Variants in FGF12 observed in about 807,000 individuals in gnomAD.
The protein encoded by FGF12 is fibroblast growth factor 12.
In FGF12, 14 loss-of-function variants were observed where a neutral mutation model predicts 23.6. The ratio of observed to expected loss-of-function variants is 0.59; its 90% CI spans 0.39 to 0.93. The LOEUF is 0.93. Among genes scored for constraint, FGF12 ranks in the 40% least tolerant of loss-of-function variants. The pLI is 0.00. For missense variants in FGF12, 175 were observed against 217.8 expected (o/e 0.80, Z 1.24); for synonymous variants, 62 against 77.3 (o/e 0.80, Z 1.04).
intron 5 of FGF12, among the ~76,000 whole-genome samples, chr3:192,167,778 T>TAA (rs1715307703): frequency 1.1e-5 from 1 of 88,962 alleles, no homozygotes; most frequent in South Asian, 4.4e-4. Flanking sequence ...TAAAATTTTT[T>TAA]TTTTTTTTTT....
intron 2 of FGF12, among the ~76,000 whole-genome samples, chr3:192,448,737 C>T (rs907758130): frequency 2.0e-5 from 3 of 152,134 alleles, no homozygotes; most frequent in Non-Finnish European, 4.4e-5. Context: ...TAAATATCAG[C>T]ATGAGTAAAT....
At chr3:192,217,173 T>C (rs563763777) in intron 4 of FGF12, among the ~76,000 whole-genome samples, 76 of 152,142 alleles carry the variant, frequency 5.0e-4, no homozygotes, top group Non-Finnish European at 9.9e-4. Context: ...AGTTTCCTCA[T>C]CCCTAAAAGA....
chr3:192,283,609 G>A (rs954146182), intron 4 of FGF12, among the ~76,000 whole-genome samples: 2 of 152,006 alleles, frequency 1.3e-5, no homozygotes, highest in Non-Finnish European at 2.9e-5. Flanking sequence ...TACCTTAGAA[G>A]GGTAAATTGT....
At chr3:192,692,542 T>C (rs1717975277) in intron 2 of FGF12, among the ~76,000 whole-genome samples, 1 of 151,878 alleles carries the variant, frequency 6.6e-6, no homozygotes, top group African/African-American at 2.4e-5. Flanking sequence ...CTGTCTCTAC[T>C]AAAAATACAA....
chr3:192,307,723 T>C (rs1577339757), intron 4 of FGF12, among the ~76,000 whole-genome samples: 1 of 152,178 alleles, frequency 6.6e-6, no homozygotes, highest in Non-Finnish European at 1.5e-5. Context: ...TAAATAACAG[T>C]GCTCAAAGAG....
intron 2 of FGF12, among the ~76,000 whole-genome samples, chr3:192,465,569 C>T (rs1028987785): frequency 2.6e-5 from 4 of 152,066 alleles, no homozygotes; most frequent in African/African-American, 7.3e-5. Context: ...TGGAGAGTTC[C>T]CTCCATTCTC....
At chr3:192,194,015 G>A (rs56229536) in intron 4 of FGF12, among the ~76,000 whole-genome samples, 6,618 of 152,184 alleles carry the variant, frequency 0.043, 187 homozygotes, top group Admixed American at 0.074. Context: ...CTAAAACAAC[G>A]TCACTTCTCC....
At chr3:192,688,037 C>A (rs1717818094) in intron 2 of FGF12, among the ~76,000 whole-genome samples, 1 of 152,116 alleles carries the variant, frequency 6.6e-6, no homozygotes, top group Non-Finnish European at 1.5e-5. Flanking sequence ...ACCTTTGCTG[C>A]CACACACATG....
intron 4 of FGF12, among the ~76,000 whole-genome samples, chr3:192,318,205 G>T (rs80243742): frequency 6.6e-6 from 1 of 152,178 alleles, no homozygotes; most frequent in Non-Finnish European, 1.5e-5. Context: ...ATGAACAGCC[G>T]CAAGCATCAA....
chr3:192,517,205 A>G (rs1199254369), intron 2 of FGF12, among the ~76,000 whole-genome samples: 2 of 152,240 alleles, frequency 1.3e-5, no homozygotes, highest in Admixed American at 1.3e-4. Flanking sequence ...TATATTTATC[A>G]CAACCCTCTC....
intron 4 of FGF12, among the ~76,000 whole-genome samples, chr3:192,202,625 C>T (rs76177861): frequency 0.02 from 2,967 of 152,088 alleles, 87 homozygotes; most frequent in African/African-American, 0.065. Flanking sequence ...GTCTCATATC[C>T]GAATAGTAGA....
At chr3:192,666,108 C>G (rs113796603) in intron 2 of FGF12, among the ~76,000 whole-genome samples, 35 of 152,030 alleles carry the variant, frequency 2.3e-4, no homozygotes, top group Non-Finnish European at 5.9e-5. Context: ...CAATAGCTCT[C>G]AATTTGATAA....
At chr3:192,177,393 G>A (rs897928327) in intron 4 of FGF12, among the ~76,000 whole-genome samples, 1 of 152,160 alleles carries the variant, frequency 6.6e-6, no homozygotes, top group African/African-American at 2.4e-5. Context: ...TATGACATCT[G>A]CTCAGAATAA....
At chr3:192,388,048 C>A (rs1220260429) in intron 2 of FGF12, among the ~76,000 whole-genome samples, 1 of 151,960 alleles carries the variant, frequency 6.6e-6, no homozygotes, top group Non-Finnish European at 1.5e-5. Context: ...TGCTAGAGAC[C>A]AAGAGTTCAA....
intron 2 of FGF12, among the ~76,000 whole-genome samples, chr3:192,710,404 TG>T (rs1248882687): frequency 1.3e-5 from 2 of 152,240 alleles, no homozygotes; most frequent in African/African-American, 4.8e-5. Context: ...TTATATGTTT[TG>T]CATAATTCTT....
chr3:192,384,457 G>A (rs1477526076), intron 2 of FGF12, among the ~76,000 whole-genome samples: 1 of 152,142 alleles, frequency 6.6e-6, no homozygotes, highest in Non-Finnish European at 1.5e-5. Context: ...GAACACAGGA[G>A]ATTGGTCTTA....
chr3:192,698,465 T>C (rs564365800), intron 2 of FGF12, among the ~76,000 whole-genome samples: 1 of 152,090 alleles, frequency 6.6e-6, no homozygotes, highest in Non-Finnish European at 1.5e-5. Flanking sequence ...ACCAATATCA[T>C]ATAATACCAA....
chr3:192,275,761 T>A (rs1713745448), intron 4 of FGF12, among the ~76,000 whole-genome samples: 1 of 152,108 alleles, frequency 6.6e-6, no homozygotes, highest in African/African-American at 2.4e-5. Flanking sequence ...TGTGAAGAAA[T>A]ATGAATGTCA....
intron 5 of FGF12, among the ~76,000 whole-genome samples, chr3:192,162,377 G>A (rs770851840): frequency 2.6e-5 from 4 of 152,020 alleles, no homozygotes; most frequent in Admixed American, 1.3e-4. Context: ...GAACAAAAGC[G>A]TCTGTATGTT....
Sources: gnomAD v4.1 joint callset for allele counts (sites outside exome capture counted in the v4.1 genomes callset) on GRCh38, gnomAD v4.1.1 for gene constraint, MANE v1.5 for transcripts, NCBI Gene and HGNC (gene_info 2026-07-23, HGNC 2026-07-21) for gene names.